Variants in OSMR observed in about 807,000 individuals in gnomAD.
The protein encoded by OSMR is oncostatin-M-specific receptor subunit beta.
Under a neutral mutation model 99.9 loss-of-function variants are expected in OSMR, and 81 were observed. That is an observed-to-expected ratio of 0.81 (90% CI 0.68 to 0.97). The LOEUF is 0.97. Among genes scored for constraint, OSMR ranks in the 50% least tolerant of loss-of-function variants. The pLI, the probability that OSMR is intolerant of heterozygous loss-of-function variation, is 0.00. For missense variants in OSMR, 1,099 were observed against 1,153.4 expected (o/e 0.95, Z 0.68); for synonymous variants, 406 against 410.4 (o/e 0.99, Z 0.13).
At chr5:38,848,542 G>A (rs767776637) in intron 1 of OSMR, among the ~76,000 whole-genome samples, 16 of 152,130 alleles carry the variant, frequency 1.1e-4, no homozygotes, top group Non-Finnish European at 1.6e-4. Flanking sequence ...AAATGTAGAC[G>A]TGCCATCACC....
chr5:38,847,832 C>G (rs986694548), intron 1 of OSMR, among the ~76,000 whole-genome samples: 5 of 152,136 alleles, frequency 3.3e-5, no homozygotes, highest in African/African-American at 9.7e-5. Flanking sequence ...TGTGGCTAAG[C>G]CTTTTGTATC....
chr5:38,932,283 C>T (rs115932874), intron 16 of OSMR, among the ~76,000 whole-genome samples, 180 bp from the exon 17 acceptor site: 363 of 152,256 alleles, frequency 2.4e-3, no homozygotes, highest in Non-Finnish European at 4.4e-3. Context: ...CATGGGGACA[C>T]TATAAGTACC....
At chr5:38,904,722 C>T (rs573453927) in intron 9 of OSMR, among the ~76,000 whole-genome samples, 1 of 152,298 alleles carries the variant, frequency 6.6e-6, no homozygotes, top group Admixed American at 6.5e-5. Flanking sequence ...TGCCTATCTT[C>T]TCTCTTACCT....
At chr5:38,877,148 G>T (rs1742904216) in intron 3 of OSMR, among the ~76,000 whole-genome samples, 1 of 152,110 alleles carries the variant, frequency 6.6e-6, no homozygotes, top group African/African-American at 2.4e-5. Flanking sequence ...AAGGACAGTG[G>T]AATGTTTTCT....
chr5:38,882,502 GAGGCAGAGGTT>G (rs1743368899), intron 4 of OSMR, among the ~76,000 whole-genome samples: 2 of 152,088 alleles, frequency 1.3e-5, no homozygotes, highest in Admixed American at 1.3e-4. Flanking sequence ...TTGAACCCAG[GAGGCAGAGGTT>G]GCAGTGAGCC....
intron 9 of OSMR, among the ~76,000 whole-genome samples, chr5:38,906,565 T>A (rs775130883): frequency 2.0e-5 from 3 of 152,206 alleles, no homozygotes; most frequent in Non-Finnish European, 2.9e-5. Flanking sequence ...GATTTTGCAT[T>A]GAGCTTAGAT....
In OSMR at chr5:38,882,003, A is replaced by T. The variant is rs62352600; in HGVS notation, c.418+239A>T. 7.3e-3 allele frequency among the ~76,000 whole-genome samples: 1,117 copies of T among 152,296 alleles called. 8 individuals carry two copies. The highest frequency in any genetic ancestry group is 0.01 in the Non-Finnish European group (689 of 68,020). On this transcript the variant is annotated intron_variant, in intron 4 of 17. Coordinates refer to ENST00000274276, the MANE Select transcript of OSMR (RefSeq NM_003999.3). ...GTTGTGCAGATTCAGGCAATTTTGT[A>T]TTTGTTTTCAAAACATGTAAAGTTT...
intron 2 of OSMR, among the ~76,000 whole-genome samples, chr5:38,869,861 T>C (rs1334392861): frequency 6.6e-6 from 1 of 152,168 alleles, no homozygotes; most frequent in East Asian, 1.9e-4. Context: ...GCTTTACATT[T>C]TCCTCTTCCT....
intron 1 of OSMR, among the ~76,000 whole-genome samples, chr5:38,868,447 AG>A (rs1742111076): frequency 6.6e-6 from 1 of 152,184 alleles, no homozygotes. Context: ...GGAGGGACCC[AG>A]GGGGAGGTAA....
intron 2 of OSMR, among the ~76,000 whole-genome samples, chr5:38,873,888 A>G (rs557830921): frequency 1.7e-4 from 26 of 152,032 alleles, no homozygotes; most frequent in African/African-American, 6.3e-4. Context: ...GGTGGAGTGC[A>G]GTGGTGTGAT....
intron 1 of OSMR, among the ~76,000 whole-genome samples, chr5:38,852,718 A>ATTTTTTTTTTTTTTTTTTTTTTTTTTTTT (rs61559728): frequency 1.4e-5 from 1 of 70,660 alleles, no homozygotes; most frequent in Non-Finnish European, 2.6e-5. Flanking sequence ...TATTGTTTTC[A>ATTTTTTTTTTTTTTTTTTTTTTTTTTTTT]TTTTTTTTTT....
chr5:38,920,343 A>G (rs915978033), intron 11 of OSMR, among the ~76,000 whole-genome samples: 3 of 152,220 alleles, frequency 2.0e-5, no homozygotes, highest in Non-Finnish European at 4.4e-5. Flanking sequence ...TGACTGACAA[A>G]AAGATTCCCC....
intron 9 of OSMR, 92 bp from the exon 10 acceptor site, chr5:38,917,454 A>G: frequency 6.4e-6 from 10 of 1,561,932 alleles, no homozygotes; most frequent in Non-Finnish European, 8.7e-6. Context: ...TGGACAGGTA[A>G]TTGTCATGTC....
intron 7 of OSMR, among the ~76,000 whole-genome samples, chr5:38,895,736 T>G (rs902997991): frequency 6.6e-6 from 1 of 152,072 alleles, no homozygotes; most frequent in African/African-American, 2.4e-5. Context: ...TATTCCAATG[T>G]CTCGGAGAGT....
chr5:38,880,497 T>C (rs976467492), intron 3 of OSMR, among the ~76,000 whole-genome samples: 7 of 152,070 alleles, frequency 4.6e-5, no homozygotes, highest in African/African-American at 1.7e-4. Flanking sequence ...ACAGCTGATA[T>C]ACCAACAGCT....
chr5:38,912,421 T>C (rs370688016), intron 9 of OSMR, among the ~76,000 whole-genome samples: 21 of 152,098 alleles, frequency 1.4e-4, no homozygotes, highest in African/African-American at 4.8e-4. Flanking sequence ...AAAGAAATCA[T>C]AGGTGACACA....
chr5:38,940,782 T>C, intron 1 of OSMR: 1 of 232,148 alleles, frequency 4.3e-6, no homozygotes, highest in Non-Finnish European at 8.5e-6. Flanking sequence ...TTTAAAAAAG[T>C]ATCTCTGTGA....
At chr5:38,896,280 A>G (rs1257372511) in intron 7 of OSMR, among the ~76,000 whole-genome samples, 2 of 152,036 alleles carry the variant, frequency 1.3e-5, no homozygotes, top group African/African-American at 4.8e-5. Context: ...CCATCTATGA[A>G]CATGCAATAT....
chr5:38,895,298 T>C (rs1385161519), intron 7 of OSMR, among the ~76,000 whole-genome samples: 1 of 152,060 alleles, frequency 6.6e-6, no homozygotes, highest in Non-Finnish European at 1.5e-5. Flanking sequence ...AAAGGCTCAA[T>C]GAAACCAAAC....
Sources: gnomAD v4.1 joint callset for allele counts (sites outside exome capture counted in the v4.1 genomes callset) on GRCh38, gnomAD v4.1.1 for gene constraint, MANE v1.5 for transcripts, NCBI Gene and HGNC (gene_info 2026-07-23, HGNC 2026-07-21) for gene names.